GRIA4: variants seen among roughly 807,000 people sequenced by gnomAD.
GRIA4 encodes glutamate receptor 4.
In GRIA4, 34 loss-of-function variants were observed where a neutral mutation model predicts 104.0. The ratio of observed to expected loss-of-function variants is 0.33; its 90% confidence interval spans 0.25 to 0.44. The LOEUF (loss-of-function observed/expected upper bound fraction) is 0.44. Among genes scored for constraint, GRIA4 ranks in the 20% least tolerant of loss-of-function variants. GRIA4 has a pLI of 1.00. For synonymous variants in GRIA4, 386 were observed against 381.9 expected, an observed-to-expected ratio of 1.01 and a Z score of -0.13; for missense variants, 750 against 1,096.5, an observed-to-expected ratio of 0.68 and a Z score of 4.46.
intron 4 of GRIA4, among the ~76,000 whole-genome samples, chr11:105,852,741 T>C (rs1356021315): frequency 6.6e-6 from 1 of 152,176 alleles, no homozygotes; most frequent in Non-Finnish European, 1.5e-5. Flanking sequence ...GCGAATCATA[T>C]GGTGAATACT....
intron 4 of GRIA4, among the ~76,000 whole-genome samples, chr11:105,782,806 C>G (rs1277438386): frequency 6.6e-6 from 1 of 152,148 alleles, no homozygotes; most frequent in Non-Finnish European, 1.5e-5. Flanking sequence ...TGCTAGTATG[C>G]TATAAGAAGG....
chr11:105,635,484 A>C (rs1477811025), intron 3 of GRIA4, among the ~76,000 whole-genome samples: 4 of 152,230 alleles, frequency 2.6e-5, no homozygotes, highest in Non-Finnish European at 5.9e-5. Context: ...TGGCCAAATA[A>C]AATTGAAATA....
At chr11:105,759,580 G>T (rs1940504662) in intron 4 of GRIA4, among the ~76,000 whole-genome samples, 1 of 151,916 alleles carries the variant, frequency 6.6e-6, no homozygotes, top group African/African-American at 2.4e-5. Flanking sequence ...TCTCCTGATT[G>T]TTTCTTCCAT....
chr11:105,659,951 T>G (rs1259056673), intron 3 of GRIA4, among the ~76,000 whole-genome samples: 2 of 151,692 alleles, frequency 1.3e-5, no homozygotes, highest in African/African-American at 4.8e-5. Flanking sequence ...AAGATACTAC[T>G]GAAATTAAAA....
intron 3 of GRIA4, among the ~76,000 whole-genome samples, chr11:105,708,143 T>C (rs1953774549): frequency 6.6e-6 from 1 of 152,138 alleles, no homozygotes; most frequent in East Asian, 1.9e-4. Flanking sequence ...AGATAACTTA[T>C]TTTGTACTTT....
chr11:105,728,965 A>T (rs1392919286), intron 3 of GRIA4, among the ~76,000 whole-genome samples: 1 of 152,108 alleles, frequency 6.6e-6, no homozygotes, highest in Non-Finnish European at 1.5e-5. Flanking sequence ...AGAGCAAACA[A>T]ATTCAAAAGC....
intron 3 of GRIA4, among the ~76,000 whole-genome samples, chr11:105,684,138 T>G (rs1362270556): frequency 6.6e-6 from 1 of 152,046 alleles, no homozygotes; most frequent in Non-Finnish European, 1.5e-5. Context: ...CCTCCCAAAG[T>G]GCTGGGATTA....
chr11:105,662,162 C>A (rs1952032779), intron 3 of GRIA4, among the ~76,000 whole-genome samples: 1 of 151,916 alleles, frequency 6.6e-6, no homozygotes, highest in African/African-American at 2.4e-5. Flanking sequence ...TGTTGATGCA[C>A]TTATTGACTA....
intron 13 of GRIA4, among the ~76,000 whole-genome samples, chr11:105,931,116 G>T (rs1947861175): frequency 6.6e-6 from 1 of 152,084 alleles, no homozygotes; most frequent in African/African-American, 2.4e-5. Flanking sequence ...GAGATGGAAT[G>T]AATGAAGCAT....
chr11:105,688,103 CATATCTATATCTATATCT>C (rs749922258), intron 3 of GRIA4, among the ~76,000 whole-genome samples: 33 of 129,646 alleles, frequency 2.5e-4, no homozygotes, highest in African/African-American at 8.7e-4. Flanking sequence ...CTCTCTGTCT[CATATCTATATCTATATCT>C]ATATCTATAT....
intron 14 of GRIA4, 92 bp from the exon 15 acceptor site, chr11:105,971,822 T>G (rs1858710200): frequency 8.9e-6 from 7 of 789,494 alleles, no homozygotes; most frequent in Non-Finnish European, 1.5e-5. Flanking sequence ...TGGCCTCTGC[T>G]CTGTCACTTT....
intron 6 of GRIA4, among the ~76,000 whole-genome samples, chr11:105,891,166 C>G (rs1281818047): frequency 2.0e-5 from 3 of 152,096 alleles, no homozygotes; most frequent in Admixed American, 6.6e-5. Flanking sequence ...TTTTTAAAGA[C>G]AAGTATGATG....
chr11:105,695,601 C>T (rs1194819388), intron 3 of GRIA4, among the ~76,000 whole-genome samples: 2 of 152,086 alleles, frequency 1.3e-5, no homozygotes, highest in East Asian at 3.9e-4. Flanking sequence ...CTAAACAATT[C>T]CAGTCAATCA....
chr11:105,645,199 CA>C (rs997966430), intron 3 of GRIA4, among the ~76,000 whole-genome samples: 11 of 152,232 alleles, frequency 7.2e-5, no homozygotes, highest in African/African-American at 2.6e-4. Flanking sequence ...CTTGTAGCTG[CA>C]AAAAGACACT....
chr11:105,820,679 A>G, intron 4 of GRIA4, among the ~76,000 whole-genome samples: 1 of 151,922 alleles, frequency 6.6e-6, no homozygotes, highest in East Asian at 1.9e-4. Flanking sequence ...CTAATTATTT[A>G]TTATTCCATT....
intron 2 of GRIA4, 48 bp from the exon 3 acceptor site, chr11:105,612,228 G>A: frequency 6.3e-7 from 1 of 1,585,670 alleles, no homozygotes; most frequent in Non-Finnish European, 8.7e-7. Context: ...TGGGTATAAT[G>A]TTGACAAGAG....
chr11:105,871,854 T>G (rs2136051494), intron 5 of GRIA4, among the ~76,000 whole-genome samples: 1 of 152,218 alleles, frequency 6.6e-6, no homozygotes, highest in Middle Eastern at 3.4e-3. Context: ...TCCAAAATTA[T>G]GAACTGAACA....
At chr11:105,833,280 A>C (rs550102996) in intron 4 of GRIA4, among the ~76,000 whole-genome samples, 5 of 151,928 alleles carry the variant, frequency 3.3e-5, no homozygotes, top group Non-Finnish European at 5.9e-5. Flanking sequence ...ACATTATTTC[A>C]CCTGTCTCCC....
intron 3 of GRIA4, among the ~76,000 whole-genome samples, chr11:105,746,840 T>C (rs992573077): frequency 1.3e-5 from 2 of 151,146 alleles, no homozygotes; most frequent in Non-Finnish European, 3.0e-5. Context: ...CTTGGGGAGG[T>C]TTACATGGGA....
Sources: gnomAD v4.1 joint callset for allele counts (sites outside exome capture counted in the v4.1 genomes callset) on GRCh38, gnomAD v4.1.1 for gene constraint, MANE v1.5 for transcripts, NCBI Gene and HGNC (gene_info 2026-07-23, HGNC 2026-07-21) for gene names.